The following MCM6 variants were observed in gnomAD, a reference collection of about 807,000 sequenced individuals.
MCM6 encodes the protein DNA replication licensing factor MCM6.
Under a neutral mutation model 94.3 loss-of-function variants are expected in MCM6, and 46 were observed. The observed-to-expected ratio is 0.49, with a 90% CI of 0.39 to 0.62. The LOEUF is 0.62. MCM6 is among the 20% of genes least tolerant of loss of function. The pLI, the probability that MCM6 is intolerant of heterozygous loss-of-function variation, is 0.00. For missense variants in MCM6, 865 were observed against 1,017.9 expected, an observed-to-expected ratio of 0.85 and a Z score of 2.04; for synonymous variants, 335 against 351.9, an observed-to-expected ratio of 0.95 and a Z score of 0.54.
chr2:135,841,767 T>C (rs1679577273), intron 16 of MCM6, among the ~76,000 whole-genome samples: 1 of 152,216 alleles, frequency 6.6e-6, no homozygotes, highest in Admixed American at 6.5e-5. Flanking sequence ...ATAAGCTCTC[T>C]AGTTTTCTGT....
At chr2:135,864,204 T>C (rs1680047167) in intron 7 of MCM6, among the ~76,000 whole-genome samples, 1 of 152,188 alleles carries the variant, frequency 6.6e-6, no homozygotes, top group South Asian at 2.1e-4. Context: ...AGTTCAAAGA[T>C]AAAGCATCAG....
At chr2:135,855,545 A>T (rs980986895) in intron 11 of MCM6, among the ~76,000 whole-genome samples, 1 of 152,146 alleles carries the variant, frequency 6.6e-6, no homozygotes, top group African/African-American at 2.4e-5. Flanking sequence ...ACAGAGCTGT[A>T]GTCTCAGCTA....
chr2:135,849,062 G>C (rs956110926), intron 13 of MCM6, among the ~76,000 whole-genome samples: 16 of 152,232 alleles, frequency 1.1e-4, no homozygotes, highest in Non-Finnish European at 2.1e-4. Flanking sequence ...GAAGACTTAA[G>C]TGGAAAGATA....
intron 6 of MCM6, 127 bp from the exon 7 acceptor site, chr2:135,865,290 G>T: frequency 1.7e-6 from 1 of 601,086 alleles, no homozygotes; most frequent in Non-Finnish European, 2.5e-6. Flanking sequence ...TGACTGTAAA[G>T]GTTTAAAAAA....
chr2:135,866,777 A>C lies in MCM6; in HGVS notation c.616-49T>G, dbSNP rs552240992. ...CCAAGAATGAGAAGCAATACCTTTC[A>C]GATGCCATATAATCTAAATTAAATA... On this transcript the variant is annotated intron_variant, in intron 4 of 16. Coordinates refer to ENST00000264156, the MANE Select transcript of MCM6 (RefSeq NM_005915.6). 2.1e-6 allele frequency: 3 copies of C among 1,451,940 alleles called. No individual in the cohort carries two copies. In the South Asian group the frequency reaches 3.9e-5, roughly 19 times the overall value. The allele number at this position is 1,451,940 out of a possible 1,614,324, so 89.9% of individuals were successfully genotyped here. A position where few individuals can be genotyped will look rare whatever the true frequency, so the allele number is the denominator to read the frequency against.
At chr2:135,846,867 G>A (rs2105573455) in intron 14 of MCM6, among the ~76,000 whole-genome samples, 1 of 152,160 alleles carries the variant, frequency 6.6e-6, no homozygotes, top group African/African-American at 2.4e-5. Flanking sequence ...AGCTGGGTGT[G>A]GTGGTGGGTG....
rs543808191 is a variant in MCM6, at chr2:135,872,173, C to T, written c.254+524G>A. On this transcript the variant is annotated intron_variant, in intron 2 of 16. Coordinates refer to ENST00000264156, the MANE Select transcript of MCM6 (RefSeq NM_005915.6). ...AAAAAAGTTCAGCTCTGGCCGGGCA[C>T]GGTGGCTCACGCCTGTAATCCCAGC... is the stretch of plus-strand genomic sequence containing the variant. Among the ~76,000 whole-genome samples, 42 of 152,240 alleles carry T rather than the reference C, an allele frequency of 2.8e-4. No individual in the cohort carries two copies. The South Asian group carries it at 6.6e-3, about 24-fold the overall frequency.
chr2:135,856,688 T>C (rs997201141), intron 11 of MCM6, 40 bp downstream of exon 11: 10 of 1,601,012 alleles, frequency 6.2e-6, no homozygotes, highest in Non-Finnish European at 7.7e-6. Context: ...CTCACTCGAT[T>C]ACTCCAACTG....
intron 12 of MCM6, 85 bp from the exon 13 acceptor site, chr2:135,851,648 G>A: frequency 8.1e-7 from 1 of 1,235,692 alleles, no homozygotes; most frequent in South Asian, 2.2e-5. Flanking sequence ...CCTTCCAGGT[G>A]GAAACATTTA....
chr2:135,876,128 G>A (rs1217433182), intron 1 of MCM6, 131 bp downstream of exon 1: 3 of 640,330 alleles, frequency 4.7e-6, no homozygotes, highest in Admixed American at 4.2e-5. Flanking sequence ...AAAGTTGGGG[G>A]GCGGGCGGGG....
intron 3 of MCM6, among the ~76,000 whole-genome samples, chr2:135,869,159 T>C (rs1680155381): frequency 6.6e-6 from 1 of 152,126 alleles, no homozygotes; most frequent in Admixed American, 6.5e-5. Context: ...TCCCAGCACT[T>C]TGGGAGACCA....
chr2:135,869,413 A>C (rs1372036437), intron 3 of MCM6, among the ~76,000 whole-genome samples: 24 of 151,598 alleles, frequency 1.6e-4, no homozygotes, highest in African/African-American at 5.6e-4. Context: ...AAAAAAAAAA[A>C]AACAAAAACA....
At chr2:135,841,694 T>C (rs1679575849) in intron 16 of MCM6, among the ~76,000 whole-genome samples, 1 of 152,224 alleles carries the variant, frequency 6.6e-6, no homozygotes, top group Admixed American at 6.5e-5. Context: ...TTGGACACTT[T>C]CAAGCACTCA....
In MCM6 at chr2:135,857,643, T is replaced by C. The variant is rs547760121; in HGVS notation, c.1470+254A>G. 2.0e-5 allele frequency among the ~76,000 whole-genome samples: 3 copies of C among 152,324 alleles called. No individual in the cohort carries two copies. In the East Asian group the frequency reaches 5.8e-4, roughly 29 times the overall value. On this transcript the variant is annotated intron_variant, in intron 10 of 16. Coordinates refer to ENST00000264156, the MANE Select transcript of MCM6 (RefSeq NM_005915.6). Reference sequence around the variant, plus strand: ...GATCTTTGGTTATTTTTGTTATAATTGGAGCATGCTTTATCAAAGAAAATA... The same window carrying C: ...GATCTTTGGTTATTTTTGTTATAATCGGAGCATGCTTTATCAAAGAAAATA...
At position 135,872,499 on chromosome 2, in the gene MCM6, T is replaced by A. The variant is rs994828887; in HGVS notation, c.254+198A>T. Reference sequence around the variant, plus strand: ...AACAAAACACAACAACAAAAAAACGTTCGGCTCTACAAAGGCCTACATGAA... The same window carrying A: ...AACAAAACACAACAACAAAAAAACGATCGGCTCTACAAAGGCCTACATGAA... On this transcript the variant is annotated intron_variant, in intron 2 of 16. Coordinates refer to ENST00000264156, the MANE Select transcript of MCM6 (RefSeq NM_005915.6). Among the ~76,000 whole-genome samples, 4 of 151,914 alleles carry A rather than the reference T, an allele frequency of 2.6e-5. No individual in the cohort carries two copies. In the East Asian group the frequency reaches 7.7e-4, roughly 29 times the overall value.
At chr2:135,866,051 A>G in intron 6 of MCM6, 81 bp downstream of exon 6, 4 of 1,507,154 alleles carry the variant, frequency 2.7e-6, no homozygotes, top group Non-Finnish European at 2.7e-6. Flanking sequence ...ACAGTGAGCC[A>G]TGACTTTGCC....
At chr2:135,856,652 T>C in intron 11 of MCM6, 76 bp downstream of exon 11, 3 of 1,473,320 alleles carry the variant, frequency 2.0e-6, no homozygotes, top group Non-Finnish European at 2.8e-6. Context: ...GCACCAGCTG[T>C]TGAGCAGTGT....
At chr2:135,859,491 A>T in intron 8 of MCM6, 49 bp from the exon 9 acceptor site, 2 of 1,359,808 alleles carry the variant, frequency 1.5e-6, no homozygotes, top group Non-Finnish European at 2.0e-6. Flanking sequence ...ATTATACAGC[A>T]CCCTTCCCAG....
chr2:135,860,394 A>G (rs748671718), intron 8 of MCM6, among the ~76,000 whole-genome samples: 1 of 152,132 alleles, frequency 6.6e-6, no homozygotes, highest in Non-Finnish European at 1.5e-5. Flanking sequence ...TCAGCCTCCC[A>G]AAGTGCTGGG....
Sources: allele counts gnomAD v4.1 joint callset (sites outside exome capture counted in the v4.1 genomes callset), GRCh38; gene constraint gnomAD v4.1.1; transcripts MANE v1.5; gene names NCBI Gene and HGNC (gene_info 2026-07-23, HGNC 2026-07-21).